Variants in CSMD1 observed in about 807,000 individuals in gnomAD.
The protein encoded by CSMD1 is CUB and Sushi multiple domains 1, also known as CUB and sushi domain-containing protein 1.
A neutral mutation model predicts 417.5 loss-of-function variants in CSMD1; 213 were observed. That is an observed-to-expected ratio of 0.51 (90% CI 0.46 to 0.57). The LOEUF (loss-of-function observed/expected upper bound fraction) is 0.57, where lower values mean the gene tolerates loss of function less well. Ranked by LOEUF, CSMD1 falls within the 20% of genes least tolerant of loss-of-function variation. The pLI is 0.00. For missense variants in CSMD1, 6,923 were observed against 4,529.7 expected, an observed-to-expected ratio of 1.53 and a Z score of -15.17; for synonymous variants, 2,862 against 1,736.8, an observed-to-expected ratio of 1.65 and a Z score of -16.11.
intron 7 of CSMD1, among the ~76,000 whole-genome samples, chr8:3,658,504 C>G (rs1024174171): frequency 3.4e-5 from 5 of 146,454 alleles, no homozygotes; most frequent in Non-Finnish European, 4.5e-5. Flanking sequence ...TTTCCTTGGT[C>G]GGGCTTGGTG....
chr8:3,370,077 G>T (rs145366311), intron 18 of CSMD1, among the ~76,000 whole-genome samples: 1 of 152,188 alleles, frequency 6.6e-6, no homozygotes, highest in South Asian at 2.1e-4. Flanking sequence ...CCTACTGATA[G>T]ATACTGATCA....
chr8:4,892,482 C>A (rs1031200715), intron 1 of CSMD1, among the ~76,000 whole-genome samples: 10 of 152,136 alleles, frequency 6.6e-5, no homozygotes, highest in Middle Eastern at 3.4e-3. Flanking sequence ...GTTTTACTAA[C>A]TGAAAAATAT....
intron 6 of CSMD1, among the ~76,000 whole-genome samples, chr8:3,719,721 ATAT>A (rs1294715852): frequency 6.6e-6 from 1 of 152,192 alleles, no homozygotes; most frequent in Non-Finnish European, 1.5e-5. Context: ...TACCAGCCAC[ATAT>A]TATGTACAAA....
chr8:4,427,685 C>T (rs555817559), intron 2 of CSMD1, among the ~76,000 whole-genome samples: 37 of 152,066 alleles, frequency 2.4e-4, no homozygotes, highest in Admixed American at 7.9e-4. Flanking sequence ...GTACCTATTA[C>T]ATTTATGTAT....
Position 4,077,071 on chromosome 8 carries a change from T to C in CSMD1, c.416-44972A>G, listed in dbSNP as rs11776313. Among the ~76,000 whole-genome samples, 506 of 152,154 alleles carry C rather than the reference T, an allele frequency of 3.3e-3. 3 individuals carry two copies. Among genetic ancestry groups the C allele is most frequent in the Admixed American group, 5.4e-3 (83 of 15,264 alleles). On this transcript the variant is annotated intron_variant, in intron 3 of 69. Transcript: ENST00000635120. ...TATCTAACCCTTATTCTCAATATAA[T>C]TGGTCATAAATGATATATATTTTAA... is the stretch of plus-strand genomic sequence containing the variant.
chr8:3,813,555 G>T (rs1042880950), intron 5 of CSMD1, among the ~76,000 whole-genome samples: 2 of 152,060 alleles, frequency 1.3e-5, no homozygotes, highest in African/African-American at 4.8e-5. Context: ...ACACAACGTA[G>T]GAGTCTATAA....
At chr8:4,780,696 G>A (rs972788622) in intron 1 of CSMD1, among the ~76,000 whole-genome samples, 1 of 152,106 alleles carries the variant, frequency 6.6e-6, no homozygotes, top group African/African-American at 2.4e-5. Flanking sequence ...CACCATGTAT[G>A]TTGTCTTTTA....
chr8:4,470,999 T>A (rs1409655519), intron 2 of CSMD1, among the ~76,000 whole-genome samples: 4 of 152,250 alleles, frequency 2.6e-5, no homozygotes, highest in Non-Finnish European at 5.9e-5. Flanking sequence ...CATTACATAC[T>A]TTTTATGTAC....
rs74934891 is a variant in CSMD1 at position 3,398,958 on chromosome 8, G to A, written c.2405+433C>T. Among the ~76,000 whole-genome samples the A allele has an allele frequency of 7.2e-4, 109 of 152,196 alleles. 1 individual carries two copies. In the East Asian group the frequency reaches 0.019, roughly 26 times the overall value. On this transcript the variant is annotated intron_variant, in intron 16 of 69. Coordinates refer to ENST00000635120, the MANE Select transcript of CSMD1 (RefSeq NM_033225.6). ...ATCTGCTGTCCGCACCCCATTGCCCGCTCAGCATCACTAGCTGCCCTCGAG... is the reference window on the plus strand; with the variant it reads ...ATCTGCTGTCCGCACCCCATTGCCCACTCAGCATCACTAGCTGCCCTCGAG...
intron 1 of CSMD1, among the ~76,000 whole-genome samples, chr8:4,898,136 T>C (rs1316701070): frequency 6.6e-6 from 1 of 152,114 alleles, no homozygotes. Flanking sequence ...CCCATATATA[T>C]GTGTATATCC....
chr8:3,785,326 T>C (rs909143277), intron 5 of CSMD1, among the ~76,000 whole-genome samples: 1 of 152,196 alleles, frequency 6.6e-6, no homozygotes. Flanking sequence ...GGAAAATAAA[T>C]GCCCCGGGCA....
chr8:4,612,906 T>C (rs1476261707), intron 2 of CSMD1, among the ~76,000 whole-genome samples: 10 of 152,276 alleles, frequency 6.6e-5, no homozygotes, highest in South Asian at 2.1e-4. Context: ...CTGAACATGA[T>C]AGGCAGAGAT....
intron 50 of CSMD1, chr8:3,043,883 G>A (rs1414979161): frequency 3.3e-5 from 5 of 152,302 alleles, no homozygotes; most frequent in African/African-American, 1.2e-4. Context: ...ATTCTCAAGT[G>A]ATATAGAGCT....
chr8:3,364,557 G>A (rs1809426022), intron 20 of CSMD1, among the ~76,000 whole-genome samples: 1 of 152,182 alleles, frequency 6.6e-6, no homozygotes, highest in African/African-American at 2.4e-5. Flanking sequence ...GTCTGAGTGT[G>A]TTACCCAAAA....
At chr8:3,819,207 C>T (rs913142073) in intron 5 of CSMD1, among the ~76,000 whole-genome samples, 1 of 152,116 alleles carries the variant, frequency 6.6e-6, no homozygotes, top group African/African-American at 2.4e-5. Context: ...CCCAGGCTAA[C>T]ACTATGGACA....
At chr8:4,113,219 A>G (rs992134704) in intron 3 of CSMD1, among the ~76,000 whole-genome samples, 1 of 152,090 alleles carries the variant, frequency 6.6e-6, no homozygotes, top group Non-Finnish European at 1.5e-5. Context: ...AAAATCCTAC[A>G]GTGGCTCCTA....
intron 2 of CSMD1, among the ~76,000 whole-genome samples, chr8:4,583,183 C>A (rs1799522307): frequency 6.6e-6 from 1 of 152,170 alleles, no homozygotes; most frequent in African/African-American, 2.4e-5. Flanking sequence ...GCACCCAGTC[C>A]CATCCACCAC....
At chr8:4,297,109 G>C (rs1396693469) in intron 3 of CSMD1, among the ~76,000 whole-genome samples, 1 of 151,938 alleles carries the variant, frequency 6.6e-6, no homozygotes, top group African/African-American at 2.4e-5. Flanking sequence ...AGCATCGTAG[G>C]TGTAATACGT....
intron 1 of CSMD1, among the ~76,000 whole-genome samples, chr8:4,752,214 A>G (rs1811376459): frequency 6.6e-6 from 1 of 152,132 alleles, no homozygotes; most frequent in African/African-American, 2.4e-5. Flanking sequence ...AAACAGTACT[A>G]TCATATCTTA....
Sources: gnomAD v4.1 joint callset for allele counts (sites outside exome capture counted in the v4.1 genomes callset) on GRCh38, gnomAD v4.1.1 for gene constraint, MANE v1.5 for transcripts, NCBI Gene and HGNC (gene_info 2026-07-23, HGNC 2026-07-21) for gene names.